Variants in ITGB2 observed in about 807,000 individuals in gnomAD.
The protein encoded by ITGB2 is integrin beta-2.
ITGB2 carries 56 observed loss-of-function variants against 86.8 expected under a neutral mutation model. The observed-to-expected ratio is 0.65, with a 90% CI of 0.52 to 0.81. The LOEUF (loss-of-function observed/expected upper bound fraction) is 0.81. Ranked by LOEUF, ITGB2 falls within the 30% of genes least tolerant of loss-of-function variation. ITGB2 has a pLI of 0.00. For synonymous variants in ITGB2, 457 were observed against 450.4 expected, an observed-to-expected ratio of 1.01 and a Z score of -0.19; for missense variants, 948 against 1,061.2, an observed-to-expected ratio of 0.89 and a Z score of 1.48.
chr21:44,890,787 A>T (rs960911036), intron 11 of ITGB2, among the ~76,000 whole-genome samples: 3 of 152,000 alleles, frequency 2.0e-5, no homozygotes, highest in African/African-American at 7.3e-5. Context: ...TCCCCAGAGG[A>T]GGAAGCTGCA....
chr21:44,923,691 T>G (rs1408855731), upstream of ITGB2, among the ~76,000 whole-genome samples: 1 of 152,220 alleles, frequency 6.6e-6, no homozygotes, highest in Non-Finnish European at 1.5e-5. Context: ...GAAATGGTTT[T>G]GGAGAAGTTG....
chr21:44,908,274 C>T (rs1333084967), intron 3 of ITGB2: 3 of 571,896 alleles, frequency 5.2e-6, no homozygotes, highest in East Asian at 2.8e-5. Context: ...TTCTCCACCC[C>T]CTCCCCTTCT....
chr21:44,894,945 C>T (rs1436928206), intron 9 of ITGB2, 26 bp downstream of exon 9: 2 of 1,504,810 alleles, frequency 1.3e-6, no homozygotes, highest in Non-Finnish European at 1.9e-6. Flanking sequence ...CCCATGGGTC[C>T]CAGCTGAGTG....
intron 3 of ITGB2, among the ~76,000 whole-genome samples, chr21:44,909,703 G>A (rs575331244): frequency 4.6e-5 from 7 of 152,322 alleles, no homozygotes; most frequent in South Asian, 2.1e-4. Context: ...TAAAATATGC[G>A]TAGTGTGTAG....
intron 1 of ITGB2, among the ~76,000 whole-genome samples, chr21:44,915,154 G>A (rs186853094): frequency 2.0e-5 from 3 of 152,212 alleles, no homozygotes; most frequent in Admixed American, 1.3e-4. Context: ...TTCCTGAGTA[G>A]CTGGGACTAC....
chr21:44,894,495 TGG>T, intron 9 of ITGB2: 1 of 235,738 alleles, frequency 4.2e-6, no homozygotes, highest in Non-Finnish European at 8.6e-6. Context: ...TGCAGCTCGA[TGG>T]GCCGTGCACC....
chr21:44,908,221 C>T (rs756746210), intron 3 of ITGB2: 16 of 688,646 alleles, frequency 2.3e-5, no homozygotes, highest in Middle Eastern at 2.7e-4. Context: ...AAGCTGCTGA[C>T]GGTAAGGAAT....
chr21:44,895,124 G>A, intron 8 of ITGB2, 64 bp from the exon 9 acceptor site: 2 of 1,214,762 alleles, frequency 1.6e-6, no homozygotes, highest in Non-Finnish European at 2.4e-6. Context: ...TCCACGCACT[G>A]GGCTCACCCC....
At chr21:44,910,842 C>G (rs1037149812) in intron 1 of ITGB2, 57 bp from the exon 2 acceptor site, 37 of 1,545,624 alleles carry the variant, frequency 2.4e-5, no homozygotes, top group South Asian at 5.7e-5. Flanking sequence ...GGGCTGACCA[C>G]CCATGAAGCT....
chr21:44,917,653 C>T (rs545158702), intron 1 of ITGB2, among the ~76,000 whole-genome samples: 16 of 152,234 alleles, frequency 1.1e-4, no homozygotes, highest in Middle Eastern at 3.4e-3. Context: ...CTAGGCACGG[C>T]GCAGGGGCTG....
chr21:44,896,034 G>A (rs370804531), intron 8 of ITGB2, among the ~76,000 whole-genome samples: 9 of 151,776 alleles, frequency 5.9e-5, no homozygotes, highest in African/African-American at 1.4e-4. Context: ...TCCCGCCTGC[G>A]GTGTGAGTGC....
At chr21:44,889,607 G>A (rs542343160) in intron 12 of ITGB2, 112 bp from the exon 13 acceptor site, 15 of 1,051,434 alleles carry the variant, frequency 1.4e-5, no homozygotes, top group South Asian at 1.4e-4. Flanking sequence ...CAGCCTGGGG[G>A]ATGTTCCTGA....
At chr21:44,910,852 T>C in intron 1 of ITGB2, 67 bp from the exon 2 acceptor site, 1 of 1,510,780 alleles carries the variant, frequency 6.6e-7, no homozygotes, top group Non-Finnish European at 9.1e-7. Flanking sequence ...CCCATGAAGC[T>C]CCCCTCCAGC....
chr21:44,922,870 T>C (rs1417362428), upstream of ITGB2: 1 of 152,092 alleles, frequency 6.6e-6, no homozygotes, highest in African/African-American at 2.4e-5. Flanking sequence ...ACAAAACAAG[T>C]TCCAATGAAA....
chr21:44,910,245 G>C (rs1475118532), intron 3 of ITGB2, 39 bp downstream of exon 3: 18 of 1,606,580 alleles, frequency 1.1e-5, no homozygotes, highest in Non-Finnish European at 1.5e-5. Flanking sequence ...CCCTCACCCA[G>C]GAGCTGGGCA....
chr21:44,887,737 C>G (rs2083719925), intron 14 of ITGB2, among the ~76,000 whole-genome samples: 1 of 152,216 alleles, frequency 6.6e-6, no homozygotes, highest in Non-Finnish European at 1.5e-5. Flanking sequence ...CCAGACGTGA[C>G]CCAAGTCTGT....
At position 44,886,246 on chromosome 21, in the gene ITGB2, C is replaced by A; in HGVS notation, c.*122G>T. On this transcript the variant is annotated 3_prime_UTR_variant, in exon 16 of 16. Transcript: ENST00000652462. ...CCGGCCATGGCTGTCATTTTGAGGG[C>A]GGAAAATAACTGGATTTCTGGTTAA... The A allele has an allele frequency of 1.0e-6, 1 of 1,004,276 alleles. No homozygotes were observed. Among genetic ancestry groups the A allele is most frequent in the Non-Finnish European group, 1.6e-6 (1 of 631,374 alleles). The allele number at this position is 1,004,276 out of a possible 1,614,324, so 62.2% of individuals were successfully genotyped here.
Position 44,910,382 on chromosome 21 carries a change from G to A in ITGB2, c.59-10C>T, listed in dbSNP as rs757352177. On this transcript the variant is annotated splice_polypyrimidine_tract_variant and intron_variant, in intron 2 of 15. Coordinates refer to ENST00000652462, the MANE Select transcript of ITGB2 (RefSeq NM_000211.5). Reference sequence around the variant, plus strand: ...CACTCCTGAGAGAGGACTGAGGGACGAGGCCGGCTGGTGAGTGGGTGCTCT... The same window carrying A: ...CACTCCTGAGAGAGGACTGAGGGACAAGGCCGGCTGGTGAGTGGGTGCTCT... The A allele has an allele frequency of 8.1e-6, 13 of 1,613,986 alleles. No homozygotes were observed. The highest frequency in any genetic ancestry group is 5.3e-5 in the African/African-American group (4 of 74,914).
intron 1 of ITGB2, chr21:44,911,099 C>T: frequency 2.1e-6 from 1 of 487,072 alleles, no homozygotes; most frequent in Non-Finnish European, 3.8e-6. Context: ...ACCACACATG[C>T]ACGTGTACGT....
Sources: gnomAD v4.1 joint callset for allele counts (sites outside exome capture counted in the v4.1 genomes callset) on GRCh38, gnomAD v4.1.1 for gene constraint, MANE v1.5 for transcripts, NCBI Gene and HGNC (gene_info 2026-07-23, HGNC 2026-07-21) for gene names.